The following NALCN variants were observed in gnomAD, a reference collection of about 807,000 sequenced individuals.
The protein encoded by NALCN is sodium leak channel NALCN.
In NALCN, 111 loss-of-function variants were observed where a neutral mutation model predicts 225.3. The observed-to-expected ratio is 0.49, with a 90% CI of 0.42 to 0.58. NALCN has a LOEUF of 0.58. Ranked by LOEUF, NALCN falls within the 20% of genes least tolerant of loss-of-function variation. The pLI, the probability that NALCN is intolerant of heterozygous loss-of-function variation, is 0.00. For synonymous variants in NALCN, 764 were observed against 769.0 expected (o/e 0.99, Z 0.11); for missense variants, 1,378 against 2,202.4 (o/e 0.63, Z 7.49).
At chr13:101,291,490 C>T (rs926003778) in intron 9 of NALCN, among the ~76,000 whole-genome samples, 12 of 152,102 alleles carry the variant, frequency 7.9e-5, no homozygotes, top group Non-Finnish European at 1.6e-4. Context: ...TACCTCACTG[C>T]CTGGAAGCTC....
chr13:101,304,029 G>A (rs1450176391), intron 7 of NALCN, among the ~76,000 whole-genome samples: 2 of 152,134 alleles, frequency 1.3e-5, no homozygotes, highest in South Asian at 2.1e-4. Context: ...ATAACTCACT[G>A]TTCTTGTTCA....
chr13:101,318,783 A>G (rs2044644430), intron 7 of NALCN, among the ~76,000 whole-genome samples: 1 of 152,150 alleles, frequency 6.6e-6, no homozygotes, highest in African/African-American at 2.4e-5. Context: ...AATTTTTAAA[A>G]CCTTTGTGGA....
chr13:101,322,960 G>A (rs145837322), intron 7 of NALCN, among the ~76,000 whole-genome samples: 5 of 152,054 alleles, frequency 3.3e-5, no homozygotes, highest in South Asian at 2.1e-4. Context: ...GATACTGCCC[G>A]CCTTGGCCTC....
chr13:101,319,101 T>G (rs2044656104), intron 7 of NALCN, among the ~76,000 whole-genome samples: 1 of 152,214 alleles, frequency 6.6e-6, no homozygotes, highest in Admixed American at 6.5e-5. Flanking sequence ...GAATGAGAAC[T>G]GCAGTATATT....
chr13:101,148,370 G>A (rs1464376900), intron 15 of NALCN, among the ~76,000 whole-genome samples: 1 of 152,052 alleles, frequency 6.6e-6, no homozygotes, highest in African/African-American at 2.4e-5. Flanking sequence ...TGGCCTTCTG[G>A]GCCTGCGTGT....
chr13:101,131,141 T>C (rs1172908132), intron 17 of NALCN, among the ~76,000 whole-genome samples: 1 of 152,152 alleles, frequency 6.6e-6, no homozygotes, highest in Non-Finnish European at 1.5e-5. Context: ...TTTATAACTT[T>C]TCTCAGTTCT....
At chr13:101,058,422 G>A (rs1038934788) in intron 42 of NALCN, 2 of 195,558 alleles carry the variant, frequency 1.0e-5, no homozygotes, top group Middle Eastern at 2.2e-3. Flanking sequence ...CGGGCTGGGC[G>A]GGGGCAGTCT....
chr13:101,105,759 T>C (rs952324469), intron 22 of NALCN, among the ~76,000 whole-genome samples: 1 of 152,152 alleles, frequency 6.6e-6, no homozygotes, highest in African/African-American at 2.4e-5. Flanking sequence ...TGAAAGTCTT[T>C]ATAGAACAGC....
At chr13:101,325,035 TG>T (rs776308112) in intron 7 of NALCN, among the ~76,000 whole-genome samples, 1 of 152,176 alleles carries the variant, frequency 6.6e-6, no homozygotes, top group Non-Finnish European at 1.5e-5. Flanking sequence ...ATTAAACTTC[TG>T]GACAAGCTGG....
intron 17 of NALCN, among the ~76,000 whole-genome samples, chr13:101,133,962 G>A (rs368282076): frequency 5.9e-5 from 9 of 152,064 alleles, no homozygotes; most frequent in Admixed American, 5.9e-4. Context: ...GAGGTCAGGA[G>A]ATCGAGACCA....
At chr13:101,256,792 C>G (rs2140210744) in intron 11 of NALCN, among the ~76,000 whole-genome samples, 1 of 129,540 alleles carries the variant, frequency 7.7e-6, no homozygotes, top group Middle Eastern at 5.6e-3. Flanking sequence ...GAGATGGAGT[C>G]TCACTCTGTC....
At chr13:101,365,893 A>G (rs1331056351) in intron 6 of NALCN, among the ~76,000 whole-genome samples, 1 of 152,186 alleles carries the variant, frequency 6.6e-6, no homozygotes, top group African/African-American at 2.4e-5. Context: ...TAATGGTTAC[A>G]CTTACTTACC....
chr13:101,073,125 A>C (rs1469028746), intron 37 of NALCN, among the ~76,000 whole-genome samples: 2 of 152,196 alleles, frequency 1.3e-5, no homozygotes, highest in Non-Finnish European at 2.9e-5. Context: ...GACAGGATAT[A>C]GTAAGAAGGA....
chr13:101,086,704 T>C (rs2033950034), intron 30 of NALCN, among the ~76,000 whole-genome samples: 1 of 152,120 alleles, frequency 6.6e-6, no homozygotes, highest in South Asian at 2.1e-4. Flanking sequence ...TTGAGATATA[T>C]GTTAATATCT....
intron 3 of NALCN, among the ~76,000 whole-genome samples, chr13:101,381,989 T>G (rs2046862461): frequency 6.6e-6 from 1 of 152,124 alleles, no homozygotes; most frequent in Non-Finnish European, 1.5e-5. Context: ...TATGTTAAAA[T>G]TGGAGCAATG....
chr13:101,395,519 A>G (rs1473601575), intron 2 of NALCN, among the ~76,000 whole-genome samples, 154 bp from the exon 3 acceptor site: 1 of 152,214 alleles, frequency 6.6e-6, no homozygotes, highest in Admixed American at 6.5e-5. Flanking sequence ...AGTGCATATA[A>G]TGTGCTACAA....
At chr13:101,228,852 G>C (rs141800251) in intron 13 of NALCN, among the ~76,000 whole-genome samples, 120 of 152,100 alleles carry the variant, frequency 7.9e-4, no homozygotes, top group African/African-American at 2.7e-3. Flanking sequence ...TTCTGGTTAA[G>C]AGCTGTACCT....
At chr13:101,062,173 C>G in intron 40 of NALCN, 55 bp from the exon 41 acceptor site, 1 of 1,585,282 alleles carries the variant, frequency 6.3e-7, no homozygotes, top group Non-Finnish European at 8.6e-7. Context: ...AGATTTACAC[C>G]CTTAGATACG....
At chr13:101,356,805 C>T (rs2046076263) in intron 6 of NALCN, among the ~76,000 whole-genome samples, 1 of 152,168 alleles carries the variant, frequency 6.6e-6, no homozygotes, top group Non-Finnish European at 1.5e-5. Context: ...TACTGGCAAA[C>T]CGAATCCAAC....
Sources: allele counts gnomAD v4.1 joint callset (sites outside exome capture counted in the v4.1 genomes callset), GRCh38; gene constraint gnomAD v4.1.1; transcripts MANE v1.5; gene names NCBI Gene and HGNC (gene_info 2026-07-23, HGNC 2026-07-21).